Variants in PXDNL observed in about 807,000 individuals in gnomAD.
PXDNL encodes probable oxidoreductase PXDNL.
PXDNL carries 145 observed loss-of-function variants against 150.8 expected under a neutral mutation model. The observed-to-expected ratio is 0.96, with a 90% CI of 0.84 to 1.10. The LOEUF is 1.10. PXDNL is among the 50% of genes least tolerant of loss of function. The probability of loss-of-function intolerance (pLI) is 0.00; values close to 1 mark genes in which losing one functional copy is unlikely to be tolerated. For synonymous variants in PXDNL, 757 were observed against 725.7 expected (o/e 1.04, Z -0.69); for missense variants, 2,087 against 1,873.9 (o/e 1.11, Z -2.10).
chr8:51,474,921 A>G, intron 7 of PXDNL, 51 bp downstream of exon 7: 6 of 1,401,026 alleles, frequency 4.3e-6, no homozygotes, highest in Non-Finnish European at 5.8e-6. Flanking sequence ...TTACAAAAAG[A>G]GAGCAAATGA....
At chr8:51,362,002 T>C (rs1248338652) in intron 19 of PXDNL, among the ~76,000 whole-genome samples, 2 of 150,660 alleles carry the variant, frequency 1.3e-5, no homozygotes, top group Non-Finnish European at 3.0e-5. Context: ...ATTCTTAAAT[T>C]AGTCTTAACT....
At chr8:51,705,830 TGTGCGCGCGCGC>T (rs1286376266) in intron 1 of PXDNL, among the ~76,000 whole-genome samples, 32 of 57,688 alleles carry the variant, frequency 5.5e-4, no homozygotes, top group African/African-American at 2.2e-3. Context: ...TGTGTGTGTG[TGTGCGCGCGCGC>T]GCGCGCGCGC....
intron 3 of PXDNL, among the ~76,000 whole-genome samples, chr8:51,586,431 A>C (rs557974062): frequency 1.6e-4 from 25 of 152,320 alleles, no homozygotes; most frequent in Non-Finnish European, 3.4e-4. Flanking sequence ...GTTTTAGGCC[A>C]CTAAATTCTG....
At chr8:51,468,892 T>C (rs1810261161) in intron 8 of PXDNL, among the ~76,000 whole-genome samples, 1 of 150,098 alleles carries the variant, frequency 6.7e-6, no homozygotes, top group East Asian at 1.9e-4. Flanking sequence ...ACTTTTTTCT[T>C]ACTTTAAAGT....
At chr8:51,712,556 C>G (rs1816522364) in intron 1 of PXDNL, among the ~76,000 whole-genome samples, 1 of 152,208 alleles carries the variant, frequency 6.6e-6, no homozygotes, top group South Asian at 2.1e-4. Flanking sequence ...GGACATAGTA[C>G]TAACTTAATT....
At chr8:51,646,638 A>AGAT (rs1170829892) in intron 2 of PXDNL, among the ~76,000 whole-genome samples, 1 of 152,166 alleles carries the variant, frequency 6.6e-6, no homozygotes, top group African/African-American at 2.4e-5. Context: ...GAAAGCACAC[A>AGAT]GATAGAATGA....
At chr8:51,609,211 G>C (rs1813944049) in intron 2 of PXDNL, among the ~76,000 whole-genome samples, 1 of 152,148 alleles carries the variant, frequency 6.6e-6, no homozygotes, top group South Asian at 2.1e-4. Context: ...TTTGGAGTTT[G>C]ACTTTTCCCA....
chr8:51,664,801 C>T (rs778205823), intron 1 of PXDNL, among the ~76,000 whole-genome samples: 5 of 152,108 alleles, frequency 3.3e-5, no homozygotes, highest in Non-Finnish European at 7.4e-5. Flanking sequence ...AGCCTGTCTG[C>T]ATGGCTGTCA....
chr8:51,572,159 T>C (rs1306186434), intron 3 of PXDNL, among the ~76,000 whole-genome samples: 1 of 151,790 alleles, frequency 6.6e-6, no homozygotes, highest in African/African-American at 2.4e-5. Flanking sequence ...TGCATGTAAA[T>C]TAATAAAAGT....
chr8:51,728,090 C>G (rs1174134196), intron 1 of PXDNL, among the ~76,000 whole-genome samples: 2 of 152,124 alleles, frequency 1.3e-5, no homozygotes, highest in African/African-American at 2.4e-5. Flanking sequence ...CACTGGTGGT[C>G]CCATAGGATT....
intron 4 of PXDNL, among the ~76,000 whole-genome samples, chr8:51,543,218 C>A (rs539789306): frequency 6.9e-4 from 105 of 152,238 alleles, no homozygotes; most frequent in African/African-American, 2.5e-3. Context: ...AAACTCAGGT[C>A]TGTTTGATTT....
At position 51,744,169 on chromosome 8, in the gene PXDNL, A is replaced by AAGGGAGGG. The variant is rs2130960308; in HGVS notation, c.164+65011_164+65012insCCCTCCCT. ...GAAGGGAGGGAGGAAGGAAGGAAAG[A>AAGGGAGGG]AGGAAGGAAGGTGAGAAAGAGAGAA... On this transcript the variant is annotated intron_variant, in intron 1 of 22. Transcript: ENST00000356297. Among the ~76,000 whole-genome samples, 6 of 149,072 alleles carry AAGGGAGGG rather than the reference A, an allele frequency of 4.0e-5. No homozygotes were observed. In the South Asian group the frequency reaches 1.4e-3, roughly 34 times the overall value.
intron 1 of PXDNL, among the ~76,000 whole-genome samples, chr8:51,660,892 A>G (rs1815256860): frequency 1.3e-5 from 2 of 151,968 alleles, no homozygotes; most frequent in South Asian, 2.1e-4. Flanking sequence ...AGTCACTCCA[A>G]TCAGCCCTGC....
intron 1 of PXDNL, among the ~76,000 whole-genome samples, chr8:51,805,170 G>T (rs926471544): frequency 7.2e-5 from 11 of 151,918 alleles, no homozygotes; most frequent in Non-Finnish European, 1.6e-4. Context: ...AATGCCAGGT[G>T]GGGGAAGGTC....
At chr8:51,334,426 C>A (rs751527664) in intron 21 of PXDNL, among the ~76,000 whole-genome samples, 1 of 151,836 alleles carries the variant, frequency 6.6e-6, no homozygotes. Flanking sequence ...GAAATAAGAA[C>A]AAACCAAACC....
intron 1 of PXDNL, among the ~76,000 whole-genome samples, chr8:51,770,804 C>T (rs189890260): frequency 4.7e-4 from 71 of 152,236 alleles, no homozygotes; most frequent in Non-Finnish European, 7.6e-4. Flanking sequence ...GGCAGTGAGC[C>T]GTGTGGTGCC....
At chr8:51,414,193 A>G (rs1335796670) in intron 14 of PXDNL, among the ~76,000 whole-genome samples, 9 of 151,872 alleles carry the variant, frequency 5.9e-5, no homozygotes, top group Non-Finnish European at 1.5e-5. Flanking sequence ...TGTTACCACA[A>G]TATAGTATGA....
intron 4 of PXDNL, among the ~76,000 whole-genome samples, chr8:51,522,166 G>A (rs991986658): frequency 9.9e-5 from 15 of 152,134 alleles, no homozygotes; most frequent in Admixed American, 9.2e-4. Context: ...AAACTAACAA[G>A]TTGATTGAAC....
At chr8:51,340,541 G>T (rs1216181654) in intron 20 of PXDNL, among the ~76,000 whole-genome samples, 2 of 152,074 alleles carry the variant, frequency 1.3e-5, no homozygotes, top group African/African-American at 4.8e-5. Flanking sequence ...AAATTGTTCT[G>T]CTTTATTCTA....
Sources: allele counts gnomAD v4.1 joint callset (sites outside exome capture counted in the v4.1 genomes callset), GRCh38; gene constraint gnomAD v4.1.1; transcripts MANE v1.5; gene names NCBI Gene and HGNC (gene_info 2026-07-23, HGNC 2026-07-21).